The following MGAT4C variants were observed in gnomAD, a reference collection of about 807,000 sequenced individuals.
MGAT4C encodes MGAT4 family member C.
A neutral mutation model predicts 40.1 loss-of-function variants in MGAT4C; 19 were observed. That is an observed-to-expected ratio of 0.47 (90% confidence interval 0.33 to 0.70). The LOEUF (loss-of-function observed/expected upper bound fraction) is 0.70. MGAT4C is among the 30% of genes least tolerant of loss of function. The pLI is 0.02. For synonymous variants in MGAT4C, 181 were observed against 187.1 expected (o/e 0.97, Z 0.27); for missense variants, 491 against 563.2 (o/e 0.87, Z 1.30).
At chr12:86,176,512 A>G (rs1213983160) in intron 1 of MGAT4C, among the ~76,000 whole-genome samples, 1 of 152,110 alleles carries the variant, frequency 6.6e-6, no homozygotes, top group Non-Finnish European at 1.5e-5. Flanking sequence ...CTCATCTTAT[A>G]TATCCCTATA....
At chr12:86,027,928 T>C (rs1330504152) in intron 2 of MGAT4C, among the ~76,000 whole-genome samples, 1 of 151,926 alleles carries the variant, frequency 6.6e-6, no homozygotes, top group Non-Finnish European at 1.5e-5. Flanking sequence ...TTATCATCAG[T>C]ATAAAATATT....
Position 86,247,805 on chromosome 12 carries a change from T to C in MGAT4C, c.-57+8434A>G, listed in dbSNP as rs118046022. The stretch of plus-strand genomic sequence containing the variant: ...TCATGCTGGGCCTTATGAAGCATAC[T>C]AGTTTTGTTATTATCCTGTACGTAA... On this transcript the variant is annotated intron_variant, in intron 1 of 4. Transcript: ENST00000611864. 6.6e-5 allele frequency among the ~76,000 whole-genome samples: 10 copies of C among 152,256 alleles called. No homozygotes were observed. The East Asian group carries it at 1.9e-3, about 29-fold the overall frequency.
intron 1 of MGAT4C, among the ~76,000 whole-genome samples, chr12:86,139,119 A>G (rs867370103): frequency 1.6e-4 from 25 of 152,176 alleles, no homozygotes; most frequent in African/African-American, 5.8e-4. Flanking sequence ...TTTTCAAAAT[A>G]TTTTCTTTGC....
chr12:86,713,307 G>T (rs937245460), intron 2 of MGAT4C, among the ~76,000 whole-genome samples: 19 of 152,100 alleles, frequency 1.2e-4, no homozygotes, highest in Admixed American at 1.1e-3. Context: ...TGATGAATTG[G>T]TTCTTTTTTC....
intron 1 of MGAT4C, among the ~76,000 whole-genome samples, chr12:86,161,490 T>C (rs1295927757): frequency 6.6e-6 from 1 of 152,132 alleles, no homozygotes; most frequent in African/African-American, 2.4e-5. Context: ...CCTTTCACCA[T>C]ATACAAAAAT....
chr12:86,834,606 C>G (rs1281421633), intron 1 of MGAT4C, among the ~76,000 whole-genome samples: 1 of 105,482 alleles, frequency 9.5e-6, no homozygotes, highest in Non-Finnish European at 2.3e-5. Flanking sequence ...CTACTTCCCC[C>G]AACCACCACA....
At chr12:86,109,810 G>A (rs879522819) in intron 1 of MGAT4C, among the ~76,000 whole-genome samples, 25 of 151,950 alleles carry the variant, frequency 1.6e-4, no homozygotes, top group Non-Finnish European at 2.6e-4. Context: ...TGTGGTGGAT[G>A]CATATGTAAA....
At chr12:86,170,731 T>A (rs1347182190) in intron 1 of MGAT4C, among the ~76,000 whole-genome samples, 1 of 150,906 alleles carries the variant, frequency 6.6e-6, no homozygotes, top group Non-Finnish European at 1.5e-5. Context: ...GGCAGGTGGA[T>A]TGCTTGTGCT....
intron 4 of MGAT4C, among the ~76,000 whole-genome samples, chr12:86,318,962 A>G (rs1016440386): frequency 3.9e-5 from 6 of 152,266 alleles, no homozygotes; most frequent in Admixed American, 3.3e-4. Flanking sequence ...TTTAAAGTCT[A>G]TGCTTTTTCC....
intron 1 of MGAT4C, among the ~76,000 whole-genome samples, chr12:86,243,480 A>G (rs531320487): frequency 6.6e-6 from 1 of 152,334 alleles, no homozygotes; most frequent in South Asian, 2.1e-4. Context: ...GGCAAAGGTG[A>G]TGGGTCGCTC....
chr12:86,487,917 C>A (rs933557350), intron 2 of MGAT4C, among the ~76,000 whole-genome samples: 5 of 151,924 alleles, frequency 3.3e-5, no homozygotes, highest in Admixed American at 6.6e-5. Context: ...AAAATAAAAA[C>A]AAATAAATTT....
At chr12:86,824,285 G>A (rs1952760474) in intron 1 of MGAT4C, among the ~76,000 whole-genome samples, 3 of 151,442 alleles carry the variant, frequency 2.0e-5, no homozygotes, top group African/African-American at 7.3e-5. Flanking sequence ...CCAAAAGGAA[G>A]CTGTAAAGTG....
chr12:86,763,139 T>C lies in MGAT4C; in HGVS notation c.-261-35898A>G, dbSNP rs146984205. On this transcript the variant is annotated intron_variant, in intron 1 of 7. Coordinates refer to the MGAT4C transcript ENST00000548651. ...TCCTGTTTTATTTTACTTGAAATCA[T>C]AAAGAGAAATTATCAAGAGAAAAAT... 8.8e-4 allele frequency among the ~76,000 whole-genome samples: 134 copies of C among 152,300 alleles called. 3 individuals carry two copies. The highest frequency in any genetic ancestry group is 1.9e-3 in the African/African-American group (81 of 41,574).
At chr12:86,522,290 T>C (rs1958807991) in intron 2 of MGAT4C, among the ~76,000 whole-genome samples, 1 of 152,190 alleles carries the variant, frequency 6.6e-6, no homozygotes. Flanking sequence ...AGTACCCAGT[T>C]TGTTGAGAGT....
At chr12:86,178,266 C>T (rs1490846253) in intron 1 of MGAT4C, among the ~76,000 whole-genome samples, 2 of 152,124 alleles carry the variant, frequency 1.3e-5, no homozygotes, top group Non-Finnish European at 2.9e-5. Flanking sequence ...AATAATTTCA[C>T]ATTTTTTATG....
chr12:86,054,757 C>G (rs948268105), intron 1 of MGAT4C, among the ~76,000 whole-genome samples: 2 of 151,596 alleles, frequency 1.3e-5, no homozygotes, highest in East Asian at 3.9e-4. Context: ...AAGCCAGAAA[C>G]ACAGTGGGTT....
rs528718508 is a variant in MGAT4C, at chr12:86,766,728, T to C, written c.-261-39487A>G. 1.7e-3 allele frequency among the ~76,000 whole-genome samples: 265 copies of C among 151,564 alleles called. 2 individuals are homozygous for C. Among genetic ancestry groups the C allele is most frequent in the African/African-American group, 6.0e-3 (246 of 41,312 alleles). The stretch of plus-strand genomic sequence containing the variant: ...GATTAAGAAACTCACTCAAAACCGC[T>C]CAACTACATGGAAACTGAACAACCT... On this transcript the variant is annotated intron_variant, in intron 1 of 7. Coordinates refer to the MGAT4C transcript ENST00000548651.
chr12:86,358,810 C>A (rs1955379955), intron 3 of MGAT4C, among the ~76,000 whole-genome samples: 1 of 152,260 alleles, frequency 6.6e-6, no homozygotes, highest in South Asian at 2.1e-4. Context: ...AATACAGGAG[C>A]ACCCAGATTC....
At chr12:86,507,598 C>A (rs969802603) in intron 2 of MGAT4C, among the ~76,000 whole-genome samples, 21 of 152,086 alleles carry the variant, frequency 1.4e-4, no homozygotes, top group Admixed American at 2.6e-4. Context: ...GCATTTAACC[C>A]CTCATGTGGA....
Sources: gnomAD v4.1 joint callset for allele counts (sites outside exome capture counted in the v4.1 genomes callset) on GRCh38, gnomAD v4.1.1 for gene constraint, MANE v1.5 for transcripts, NCBI Gene and HGNC (gene_info 2026-07-23, HGNC 2026-07-21) for gene names.